ROBO2: variants seen among roughly 807,000 people sequenced by gnomAD.
The protein encoded by ROBO2 is roundabout homolog 2.
Under a neutral mutation model 160.8 loss-of-function variants are expected in ROBO2, and 53 were observed. The observed-to-expected ratio is 0.33, with a 90% CI of 0.26 to 0.41. ROBO2 has a LOEUF of 0.41. ROBO2 is among the 10% of genes least tolerant of loss of function. The pLI, the probability that ROBO2 is intolerant of heterozygous loss-of-function variation, is 1.00. For missense variants in ROBO2, 1,577 were observed against 1,722.4 expected (o/e 0.92, Z 1.49); for synonymous variants, 664 against 611.7 (o/e 1.09, Z -1.26).
At chr3:77,435,614 G>A (rs1043995150) in intron 2 of ROBO2, among the ~76,000 whole-genome samples, 9 of 151,710 alleles carry the variant, frequency 5.9e-5, no homozygotes, top group Non-Finnish European at 1.0e-4. Context: ...CATCAGTTTA[G>A]CACTATTGAT....
intron 2 of ROBO2, among the ~76,000 whole-genome samples, chr3:76,480,799 T>C (rs988563217): frequency 6.6e-6 from 1 of 152,144 alleles, no homozygotes; most frequent in Admixed American, 6.6e-5. Flanking sequence ...ACATTCAGAT[T>C]ATAGCAAAGA....
chr3:77,146,364 T>G (rs1169024813), intron 2 of ROBO2, among the ~76,000 whole-genome samples: 4 of 152,142 alleles, frequency 2.6e-5, no homozygotes, highest in African/African-American at 9.7e-5. Context: ...GCAGGGAAAC[T>G]GGGAAGCCTG....
At chr3:76,498,683 C>CTTTT (rs71101892) in intron 2 of ROBO2, among the ~76,000 whole-genome samples, 25 of 130,836 alleles carry the variant, frequency 1.9e-4, no homozygotes, top group African/African-American at 6.3e-4. Flanking sequence ...AGTTTGTCTG[C>CTTTT]TTTTTTTTTT....
At chr3:77,322,606 G>C (rs2064836867) in intron 2 of ROBO2, among the ~76,000 whole-genome samples, 1 of 151,552 alleles carries the variant, frequency 6.6e-6, no homozygotes, top group Non-Finnish European at 1.5e-5. Flanking sequence ...TGTCAGGAGA[G>C]AAATTGACAT....
Position 77,492,002 on chromosome 3 carries a change from A to G in ROBO2, c.668-1242A>G, listed in dbSNP as rs140345362. Reference sequence around the variant, plus strand: ...AAATACTCTTATTTATACTCTTAACATCTATTATTTGAAGTAATTTATTTT... The same window carrying G: ...AAATACTCTTATTTATACTCTTAACGTCTATTATTTGAAGTAATTTATTTT... On this transcript the variant is annotated intron_variant, in intron 4 of 25. Transcript: ENST00000461745. Among the ~76,000 whole-genome samples, 384 of 152,294 alleles carry G rather than the reference A, an allele frequency of 2.5e-3. 3 individuals are homozygous for G. The highest frequency in any genetic ancestry group is 8.4e-3 in the African/African-American group (350 of 41,576).
chr3:77,029,378 G>T (rs1039851080), intron 2 of ROBO2, among the ~76,000 whole-genome samples: 1 of 152,092 alleles, frequency 6.6e-6, no homozygotes, highest in Non-Finnish European at 1.5e-5. Context: ...TGAGGGAAAT[G>T]GGGTGGTGAC....
At chr3:77,176,493 A>G (rs1202734031) in intron 2 of ROBO2, among the ~76,000 whole-genome samples, 1 of 152,014 alleles carries the variant, frequency 6.6e-6, no homozygotes, top group Admixed American at 6.6e-5. Context: ...TTAAAATTAT[A>G]ATGGAAGTCA....
intron 2 of ROBO2, among the ~76,000 whole-genome samples, chr3:77,338,804 G>A (rs924650806): frequency 6.6e-6 from 1 of 152,078 alleles, no homozygotes; most frequent in African/African-American, 2.4e-5. Flanking sequence ...ATTTTTCCTA[G>A]CTATTGCTTT....
At chr3:77,286,572 A>G (rs1479437925) in intron 2 of ROBO2, among the ~76,000 whole-genome samples, 1 of 147,260 alleles carries the variant, frequency 6.8e-6, no homozygotes, top group Non-Finnish European at 1.5e-5. Context: ...GCAGTTTTTT[A>G]AAAGAACTTT....
intron 5 of ROBO2, among the ~76,000 whole-genome samples, chr3:77,504,449 AC>A (rs1260902311): frequency 6.6e-6 from 1 of 152,138 alleles, no homozygotes. Context: ...AAACCCATAA[AC>A]ATTCTAACCC....
intron 2 of ROBO2, among the ~76,000 whole-genome samples, chr3:76,787,702 C>T (rs757783458): frequency 3.0e-4 from 45 of 151,316 alleles, no homozygotes; most frequent in Middle Eastern, 3.4e-3. Flanking sequence ...CAGCCATTAG[C>T]GATCAAGCTA....
chr3:76,271,674 AT>A (rs1349416357), intron 2 of ROBO2, among the ~76,000 whole-genome samples: 1 of 151,722 alleles, frequency 6.6e-6, no homozygotes, highest in Non-Finnish European at 1.5e-5. Context: ...ATCTGTTAGA[AT>A]TATCAACTGT....
At chr3:76,073,596 T>C (rs958462912) in intron 2 of ROBO2, among the ~76,000 whole-genome samples, 19 of 152,036 alleles carry the variant, frequency 1.2e-4, no homozygotes, top group Admixed American at 1.2e-3. Flanking sequence ...CGGCAGAGTA[T>C]TCTTCTTAAA....
At chr3:76,072,326 A>G (rs1191996453) in intron 2 of ROBO2, among the ~76,000 whole-genome samples, 1 of 152,108 alleles carries the variant, frequency 6.6e-6, no homozygotes, top group Non-Finnish European at 1.5e-5. Context: ...GATTCAAAAC[A>G]TTGTGTCGAA....
chr3:77,520,445 CA>C (rs551509691), intron 5 of ROBO2, among the ~76,000 whole-genome samples: 114 of 151,222 alleles, frequency 7.5e-4, no homozygotes, highest in African/African-American at 2.6e-3. Context: ...ACAATGTGTG[CA>C]ATAATTTTTT....
rs532425051 is a variant in ROBO2 at position 76,108,093 on chromosome 3, A to T, written c.109+170491A>T. Reference sequence around the variant, plus strand: ...TAGATGCTCTATCTACGTGTGTAATACTAGCAATGTATAATTTATTTCTCA... The same window carrying T: ...TAGATGCTCTATCTACGTGTGTAATTCTAGCAATGTATAATTTATTTCTCA... On this transcript the variant is annotated intron_variant, in intron 2 of 26. Coordinates refer to the ROBO2 transcript ENST00000487694. Among the ~76,000 whole-genome samples the T allele has an allele frequency of 5.4e-4, 82 of 152,204 alleles. 1 individual carries two copies. The highest frequency in any genetic ancestry group is 3.4e-3 in the Middle Eastern group (1 of 294).
chr3:77,164,667 G>A (rs576508671), intron 2 of ROBO2, among the ~76,000 whole-genome samples: 3 of 120,570 alleles, frequency 2.5e-5, no homozygotes, highest in East Asian at 5.1e-4. Context: ...GAGGTGGGGG[G>A]GTCAGCCCCC....
At chr3:77,031,693 A>T (rs2063335831) in intron 2 of ROBO2, among the ~76,000 whole-genome samples, 1 of 146,974 alleles carries the variant, frequency 6.8e-6, no homozygotes, top group Admixed American at 6.8e-5. Context: ...GTAATTAATT[A>T]TAATATAATA....
chr3:76,928,452 A>ATGATAAT (rs1475625048), intron 2 of ROBO2, among the ~76,000 whole-genome samples: 1 of 142,758 alleles, frequency 7.0e-6, no homozygotes, highest in African/African-American at 2.6e-5. Context: ...GTTTATGATA[A>ATGATAAT]TTTTTTTTTT....
Sources: allele counts gnomAD v4.1 joint callset (sites outside exome capture counted in the v4.1 genomes callset), GRCh38; gene constraint gnomAD v4.1.1; transcripts MANE v1.5; gene names NCBI Gene and HGNC (gene_info 2026-07-23, HGNC 2026-07-21).